The following TET1 variants were observed in gnomAD, a reference collection of about 807,000 sequenced individuals.
The protein encoded by TET1 is tet methylcytosine dioxygenase 1.
A neutral mutation model predicts 148.7 loss-of-function variants in TET1; 13 were observed. The ratio of observed to expected loss-of-function variants is 0.09; its 90% CI spans 0.06 to 0.14. TET1 has a LOEUF of 0.14. TET1 is among the 10% of genes least tolerant of loss of function. The pLI, the probability that TET1 is intolerant of heterozygous loss-of-function variation, is 1.00. For missense variants in TET1, 2,182 were observed against 2,553.8 expected (o/e 0.85, Z 3.14); for synonymous variants, 907 against 937.2 (o/e 0.97, Z 0.59).
At chr10:68,627,974 C>T (rs894172284) in intron 3 of TET1, among the ~76,000 whole-genome samples, 1 of 151,720 alleles carries the variant, frequency 6.6e-6, no homozygotes, top group Admixed American at 6.6e-5. Flanking sequence ...GTGCCCGGCC[C>T]CCAAATATTT....
At chr10:68,632,400 C>T (rs1346717430) in intron 3 of TET1, 1 of 1,610,144 alleles carries the variant, frequency 6.2e-7, no homozygotes, top group South Asian at 1.1e-5. Flanking sequence ...CCGGTGAGCC[C>T]GAGGAGAGGA....
Position 68,573,441 on chromosome 10 carries a change from C to T in TET1, c.1103C>T (p.Ala368Val). 6.2e-7 allele frequency: 1 copy of T among 1,614,130 alleles called. No homozygotes were observed. Among genetic ancestry groups the T allele is most frequent in the African/African-American group, 1.3e-5 (1 of 75,018 alleles). ...GATACCACCTCTTTCCTAGGACAGG[C>T]CTTTGGTGCTATCCCACATCAATGG... ...VSDTTSFLGQ[A>V]FGAIPHQWEL... The change falls in exon 2 of 12, where the codon GCC becomes GTC. Residue 368 changes from alanine (A) to valine (V), a missense_variant. Ala to Val is a moderately conservative substitution (Grantham distance 64). Around this residue, in one of 11 missense-constraint regions of TET1, gnomAD observed 665 missense variants for 672.4 expected, o/e 0.99. Transcript: ENST00000373644.
chr10:68,652,429 G>A, intron 5 of TET1, 72 bp from the exon 6 acceptor site: 1 of 1,101,556 alleles, frequency 9.1e-7, no homozygotes, highest in Non-Finnish European at 1.3e-6. Context: ...ACATTAAGAT[G>A]TTCAAAGCCA....
rs1410353581 is a variant in TET1 at position 68,646,835 on chromosome 10, C to G, written c.4106C>G (p.Thr1369Ser). 6.2e-7 allele frequency: 1 copy of G among 1,614,004 alleles called. No homozygotes were observed. The highest frequency in any genetic ancestry group is 8.5e-7 in the Non-Finnish European group (1 of 1,180,040). Residue 1369 changes from threonine to serine, a missense_variant, in exon 4 of 12, where the codon ACC becomes AGC. Thr to Ser is a moderately conservative substitution (Grantham distance 58, BLOSUM62 1). Transcript: ENST00000373644. ...VCSGGITVVS[T>S]KSEEEVCSSS... ...TCAGGTGGAATTACAGTGGTTTCTA[C>G]CAAAAGTGAAGAGGAAGTCTGTTCA...
chr10:68,653,819 G>A (rs1179602492), intron 6 of TET1, among the ~76,000 whole-genome samples: 2 of 152,048 alleles, frequency 1.3e-5, no homozygotes, highest in African/African-American at 2.4e-5. Flanking sequence ...TTAAGTGTGG[G>A]TTGTCGGCCC....
At chr10:68,644,557 G>A (rs994598422) in intron 3 of TET1, 141 bp from the exon 4 acceptor site, 68 of 773,336 alleles carry the variant, frequency 8.8e-5, no homozygotes, top group South Asian at 5.5e-4. Context: ...TTATGACTTC[G>A]CTGAATGTGT....
At chr10:68,670,257 T>C (rs1184653202) in intron 7 of TET1, among the ~76,000 whole-genome samples, 1 of 152,208 alleles carries the variant, frequency 6.6e-6, no homozygotes, top group Non-Finnish European at 1.5e-5. Flanking sequence ...CTGTCCATGA[T>C]TGAATGCATT....
In TET1 at chr10:68,595,989, C is replaced by T. The variant is rs12775086; in HGVS notation, c.1915-4992C>T. Among the ~76,000 whole-genome samples the T allele has an allele frequency of 2.1e-3, 139 of 67,094 alleles. 1 individual carries two copies. The highest frequency in any genetic ancestry group is 6.3e-3 in the African/African-American group (91 of 14,444). The allele number at this position is 67,094 out of a possible 152,430, so 44.0% of individuals were successfully genotyped here. ...ACACACACACACACATATATACACA[C>T]ACACACACACACACACACACACACA... On this transcript the variant is annotated intron_variant, in intron 2 of 11. Coordinates refer to ENST00000373644, the MANE Select transcript of TET1 (RefSeq NM_030625.3).
At chr10:68,643,898 TA>T (rs1213784172) in intron 3 of TET1, among the ~76,000 whole-genome samples, 6 of 151,540 alleles carry the variant, frequency 4.0e-5, no homozygotes, top group South Asian at 2.1e-4. Flanking sequence ...AAAAGTAGTT[TA>T]TTTTTTTATT....
intron 8 of TET1, among the ~76,000 whole-genome samples, chr10:68,680,376 T>A (rs2055419623): frequency 6.6e-6 from 1 of 152,250 alleles, no homozygotes; most frequent in Non-Finnish European, 1.5e-5. Context: ...GATCTGGCTC[T>A]GTCACCCAGG....
At chr10:68,593,469 G>A (rs2053942422) in intron 2 of TET1, among the ~76,000 whole-genome samples, 1 of 151,902 alleles carries the variant, frequency 6.6e-6, no homozygotes, top group African/African-American at 2.4e-5. Flanking sequence ...TTATGATGGA[G>A]TCTCACTCTG....
intron 3 of TET1, among the ~76,000 whole-genome samples, chr10:68,615,912 G>A (rs1488969524): frequency 6.6e-6 from 1 of 152,228 alleles, no homozygotes; most frequent in East Asian, 1.9e-4. Context: ...CTCCCAAAGT[G>A]CTGGGATTAC....
intron 4 of TET1, among the ~76,000 whole-genome samples, chr10:68,649,345 C>A (rs560037604): frequency 6.6e-6 from 1 of 152,218 alleles, no homozygotes; most frequent in East Asian, 1.9e-4. Context: ...CAGTGGCTCA[C>A]GCCTGTAATC....
chr10:68,643,740 G>A (rs1473539168), intron 3 of TET1, among the ~76,000 whole-genome samples: 1 of 151,666 alleles, frequency 6.6e-6, no homozygotes, highest in Non-Finnish European at 1.5e-5. Context: ...TCGAACCCGG[G>A]AGGCAGAGGT....
chr10:68,610,739 C>T (rs1318528114), intron 3 of TET1, among the ~76,000 whole-genome samples: 2 of 152,056 alleles, frequency 1.3e-5, no homozygotes, highest in African/African-American at 4.8e-5. Context: ...CTCACTGCAG[C>T]CTTGACCTCC....
At chr10:68,641,630 C>T (rs943493549) in intron 3 of TET1, among the ~76,000 whole-genome samples, 1 of 151,484 alleles carries the variant, frequency 6.6e-6, no homozygotes, top group South Asian at 2.1e-4. Context: ...TCTCGAGTAC[C>T]TGGGACTACA....
At chr10:68,648,588 T>C (rs1310968372) in intron 4 of TET1, among the ~76,000 whole-genome samples, 1 of 152,106 alleles carries the variant, frequency 6.6e-6, no homozygotes, top group Non-Finnish European at 1.5e-5. Context: ...TGACCAAAGG[T>C]GATGTTTTTA....
intron 10 of TET1, 85 bp from the exon 11 acceptor site, chr10:68,686,271 A>G: frequency 8.4e-7 from 1 of 1,187,840 alleles, no homozygotes; most frequent in Non-Finnish European, 1.2e-6. Context: ...TCTTTCCCAA[A>G]GGCAACAACA....
chr10:68,574,107 G>C lies in TET1; in HGVS notation c.1769G>C (p.Arg590Pro), dbSNP rs528233201. 3.7e-6 allele frequency: 6 copies of C among 1,613,980 alleles called. No homozygotes were observed. The highest frequency in any genetic ancestry group is 1.3e-5 in the African/African-American group (1 of 74,904). ...ACTTTGGAAAAGAAGAAAAGAAAGC[G>C]ATGTGGGGTCTGTGAACCCTGCCAG... ...LPTLEKKKRK[R>P]CGVCEPCQQK... Residue 590 changes from arginine (R) to proline (P), a missense_variant, in exon 2 of 12, where the codon CGA (arginine) becomes CCA (proline). By Grantham distance (103) the Arg-to-Pro change is moderately radical. Coordinates refer to ENST00000373644, the MANE Select transcript of TET1 (RefSeq NM_030625.3).
Sources: allele counts gnomAD v4.1 joint callset (sites outside exome capture counted in the v4.1 genomes callset), GRCh38; gene constraint gnomAD v4.1.1; regional missense constraint gnomAD v4.1.1; transcripts MANE v1.5; gene names NCBI Gene and HGNC (gene_info 2026-07-23, HGNC 2026-07-21).